Variants in CHAF1A observed in about 807,000 individuals in gnomAD.
CHAF1A encodes CAF-1 subunit A.
A neutral mutation model predicts 93.2 loss-of-function variants in CHAF1A; 5 were observed. That is an observed-to-expected ratio of 0.05 (90% CI 0.03 to 0.11). The LOEUF (loss-of-function observed/expected upper bound fraction) is 0.11, where lower values mean the gene tolerates loss of function less well. Among genes scored for constraint, CHAF1A ranks in the 10% least tolerant of loss-of-function variants. The pLI is 1.00. For missense variants in CHAF1A, 1,102 were observed against 1,259.9 expected, an observed-to-expected ratio of 0.87 and a Z score of 1.90; for synonymous variants, 504 against 510.3, an observed-to-expected ratio of 0.99 and a Z score of 0.17.
At chr19:4,427,134 G>GTTTTTTTTTTTTTT (rs1568437409) in intron 7 of CHAF1A, among the ~76,000 whole-genome samples, 1 of 45,274 alleles carries the variant, frequency 2.2e-5, no homozygotes. Flanking sequence ...AAAAGACCCT[G>GTTTTTTTTTTTTTT]TCTTTTTTTT....
At chr19:4,438,542 T>C (rs1321925372) in intron 13 of CHAF1A, among the ~76,000 whole-genome samples, 4 of 152,190 alleles carry the variant, frequency 2.6e-5, no homozygotes, top group Non-Finnish European at 5.9e-5. Context: ...TAAGGCATTC[T>C]GACCTAGTGG....
In CHAF1A at chr19:4,442,996, C is replaced by T. The variant is rs1358435069; in HGVS notation, c.2842C>T (p.Leu948=). The T allele has an allele frequency of 6.3e-7, 1 of 1,599,238 alleles. No homozygotes were observed. Among genetic ancestry groups the T allele is most frequent in the Admixed American group, 1.7e-5 (1 of 57,432 alleles). ...GVGVDTGKAT[L]TASPLGAS ...GGGGGTGGACACCGGCAAGGCCACC[C>T]TGACCGCGAGCCCACTGGGTGCATC... The change falls in exon 15 of 15, where the codon CTG becomes TTG. Residue 948 remains leucine, a synonymous_variant. Coordinates refer to ENST00000301280, the MANE Select transcript of CHAF1A (RefSeq NM_005483.3).
intron 1 of CHAF1A, among the ~76,000 whole-genome samples, chr19:4,405,522 C>G (rs948497565): frequency 6.6e-6 from 1 of 151,522 alleles, no homozygotes; most frequent in African/African-American, 2.4e-5. Flanking sequence ...GCAGGAGAAT[C>G]GCTTGAACCC....
Position 4,420,519 on chromosome 19 carries a change from A to T in CHAF1A, c.1018-2047A>T, listed in dbSNP as rs1013919718. 2.6e-5 allele frequency among the ~76,000 whole-genome samples: 4 copies of T among 152,202 alleles called. No homozygotes were observed. In the East Asian group the frequency reaches 7.7e-4, roughly 29 times the overall value. The stretch of plus-strand genomic sequence containing the variant: ...CGGCTTCCCAAAGTGCTGGGATTAC[A>T]GGTGGGAGCCTGCGCCTGGCTGAGC... On this transcript the variant is annotated intron_variant, in intron 4 of 14. Coordinates refer to ENST00000301280, the MANE Select transcript of CHAF1A (RefSeq NM_005483.3).
rs1405354080 is a variant in CHAF1A at position 4,408,966 on chromosome 19, A to T, written c.167A>T (p.Asp56Val). ...GGGAAAGCCGATGACATGTCAGACG[A>T]TCAGGGTACTTCTGTGCAAAGTAAA... ...PKGKADDMSD[D>V]QGTSVQSKSP... Residue 56 changes from aspartate to valine, a missense_variant, in exon 3 of 15, where the codon GAT (aspartate) becomes GTT (valine). Asp to Val is a radical substitution (Grantham distance 152, BLOSUM62 -3). Coordinates refer to ENST00000301280, the MANE Select transcript of CHAF1A (RefSeq NM_005483.3). 6 of 1,614,048 alleles carry T rather than the reference A, an allele frequency of 3.7e-6. No individual in the cohort carries two copies. The highest frequency in any genetic ancestry group is 5.1e-6 in the Non-Finnish European group (6 of 1,180,008).
At chr19:4,404,759 C>G (rs1973649768) in intron 1 of CHAF1A, among the ~76,000 whole-genome samples, 1 of 152,176 alleles carries the variant, frequency 6.6e-6, no homozygotes, top group South Asian at 2.1e-4. Context: ...TAAGTGTGAG[C>G]TTCCTAAACT....
chr19:4,442,938 G>A lies in CHAF1A; in HGVS notation c.2784G>A (p.Pro928=), dbSNP rs141482161. 98 of 1,597,950 alleles carry A rather than the reference G, an allele frequency of 6.1e-5. No homozygotes were observed. The African/African-American group carries it at 1.1e-3, about 19-fold the overall frequency. ...CTTGCCCTGCAGAGGTCCAAGCCCC[G>A]TGTGGAGCCGCTTCCGGAGCTGGGG... ...DVPDAAEVQA[P]CGAASGAGGG... is the part of the protein sequence containing the mutation. The change falls in exon 15 of 15, where the codon CCG becomes CCA. Residue 928 remains proline (P), a synonymous_variant. Coordinates refer to ENST00000301280, the MANE Select transcript of CHAF1A (RefSeq NM_005483.3).
chr19:4,406,316 AG>A (rs1204589906), intron 2 of CHAF1A, among the ~76,000 whole-genome samples: 1 of 152,152 alleles, frequency 6.6e-6, no homozygotes, highest in Non-Finnish European at 1.5e-5. Context: ...GTCCCCTGGG[AG>A]GTAGAACTGC....
intron 7 of CHAF1A, among the ~76,000 whole-genome samples, chr19:4,426,167 CT>C (rs57040531): frequency 0.63 from 60,423 of 95,302 alleles, 16,842 homozygotes; most frequent in East Asian, 0.76. Flanking sequence ...TGTTTACAGT[CT>C]TTTTTTTTTT....
At chr19:4,445,945 C>G (rs767239791), downstream of CHAF1A, 4 of 1,494,556 alleles carry the variant, frequency 2.7e-6, no homozygotes, top group South Asian at 1.3e-5. Context: ...CCCAGGCCCC[C>G]TGCTCTGAGA....
chr19:4,442,331 G>A lies in CHAF1A; in HGVS notation c.2760G>A (p.Pro920=), dbSNP rs200881886. 133 of 1,596,252 alleles carry A rather than the reference G, an allele frequency of 8.3e-5. No homozygotes were observed. The highest frequency in any genetic ancestry group is 1.6e-4 in the African/African-American group (12 of 74,862). Residue 920 remains proline (P), a synonymous_variant, in exon 14 of 15, where the codon CCG becomes CCA. Transcript: ENST00000301280. ...EEGDCMIVDV[P]DAAEVQAPCG... ...GCGACTGTATGATCGTGGATGTCCCGGATGCTGCGGGTGAGAAGGGCTGTA... is the reference window on the plus strand; with the variant it reads ...GCGACTGTATGATCGTGGATGTCCCAGATGCTGCGGGTGAGAAGGGCTGTA...
intron 11 of CHAF1A, 146 bp from the exon 12 acceptor site, chr19:4,431,806 C>T: frequency 1.1e-6 from 1 of 934,126 alleles, no homozygotes; most frequent in East Asian, 2.5e-5. Context: ...ATGGTGTGCT[C>T]TGCCCTGGCC....
intron 5 of CHAF1A, 31 bp from the exon 6 acceptor site, chr19:4,423,304 G>A (rs746580851): frequency 6.8e-6 from 11 of 1,613,806 alleles, no homozygotes; most frequent in Non-Finnish European, 9.3e-6. Context: ...AAAGCAAAGA[G>A]TCGGCTGAAA....
At chr19:4,432,668 G>C (rs187846642) in intron 12 of CHAF1A, among the ~76,000 whole-genome samples, 110 of 152,058 alleles carry the variant, frequency 7.2e-4, no homozygotes, top group Non-Finnish European at 1.2e-3. Context: ...GCTGAGGTGG[G>C]AGGATTGCTT....
intron 12 of CHAF1A, among the ~76,000 whole-genome samples, chr19:4,432,806 A>G (rs1974210894): frequency 6.6e-6 from 1 of 151,656 alleles, no homozygotes; most frequent in Non-Finnish European, 1.5e-5. Flanking sequence ...ATGGCACACA[A>G]GGAGAGCAGG....
chr19:4,428,756 C>T lies in CHAF1A; in HGVS notation c.1470C>T (p.Asp490=), dbSNP rs1200216705. 6.2e-7 allele frequency: 1 copy of T among 1,614,194 alleles called. No individual in the cohort carries two copies. The part of the protein sequence containing the change: ...APRRRTAFHP[D]LCSQLDQLLQ... ...GGCGTCGGACCGCTTTCCATCCAGA[C>T]CTCTGCAGTCAGCTGGACCAGCTCC... Residue 490 remains aspartate (D), a synonymous_variant, in exon 8 of 15, where the codon GAC becomes GAT. Transcript: ENST00000301280.
At chr19:4,415,135 G>A (rs1020188597) in intron 3 of CHAF1A, among the ~76,000 whole-genome samples, 15 of 152,032 alleles carry the variant, frequency 9.9e-5, no homozygotes, top group Admixed American at 7.9e-4. Flanking sequence ...CTGTCTGACC[G>A]GGCTCCAGCT....
chr19:4,408,500 G>A (rs1244123511), intron 2 of CHAF1A, among the ~76,000 whole-genome samples: 1 of 44,012 alleles, frequency 2.3e-5, no homozygotes, highest in Non-Finnish European at 3.6e-5. Context: ...TTGAGAGGGA[G>A]TCTGTCTCTG....
intron 8 of CHAF1A, 51 bp from the exon 9 acceptor site, chr19:4,429,387 G>T: frequency 6.3e-7 from 1 of 1,585,582 alleles, no homozygotes; most frequent in South Asian, 1.1e-5. Flanking sequence ...GGAGGTTTGT[G>T]AGCAGGTCTG....
Sources: gnomAD v4.1 joint callset for allele counts (sites outside exome capture counted in the v4.1 genomes callset) on GRCh38, gnomAD v4.1.1 for gene constraint, MANE v1.5 for transcripts, NCBI Gene and HGNC (gene_info 2026-07-23, HGNC 2026-07-21) for gene names.